SRSF4: variants seen among roughly 807,000 people sequenced by gnomAD.
SRSF4 encodes serine/arginine-rich splicing factor 4.
A neutral mutation model predicts 48.8 loss-of-function variants in SRSF4; 12 were observed. That is an observed-to-expected ratio of 0.25 (90% CI 0.16 to 0.40). SRSF4 has a LOEUF of 0.40. SRSF4 is among the 10% of genes least tolerant of loss of function. The pLI is 1.00. For missense variants in SRSF4, 466 were observed against 667.1 expected (o/e 0.70, Z 3.32); for synonymous variants, 248 against 232.5 (o/e 1.07, Z -0.61).
intron 1 of SRSF4, chr1:29,171,363 A>C (rs908865983): frequency 6.7e-6 from 1 of 150,018 alleles, no homozygotes; most frequent in Non-Finnish European, 1.5e-5. Context: ...GACAGGACTA[A>C]AGGAAATAGC....
intron 4 of SRSF4, among the ~76,000 whole-genome samples, chr1:29,152,834 G>A (rs747139751): frequency 6.6e-6 from 1 of 151,554 alleles, no homozygotes; most frequent in Admixed American, 6.6e-5. Context: ...CAGGAGAATC[G>A]CTTGAACCCG....
intron 1 of SRSF4, among the ~76,000 whole-genome samples, chr1:29,177,627 G>A (rs933073070): frequency 3.3e-5 from 5 of 152,006 alleles, no homozygotes; most frequent in African/African-American, 1.2e-4. Context: ...AAAAGTAGGA[G>A]ACCTTAATGG....
At chr1:29,175,386 C>CAT (rs921103914) in intron 1 of SRSF4, among the ~76,000 whole-genome samples, 8 of 146,144 alleles carry the variant, frequency 5.5e-5, no homozygotes, top group Non-Finnish European at 9.0e-5. Flanking sequence ...GGGCAACAGA[C>CAT]AGAGACTCCA....
intron 4 of SRSF4, among the ~76,000 whole-genome samples, chr1:29,151,402 C>G (rs1183958020): frequency 6.6e-6 from 1 of 152,048 alleles, no homozygotes; most frequent in Non-Finnish European, 1.5e-5. Context: ...GAGGCTGAGG[C>G]AGTAGGATAG....
chr1:29,154,558 T>C (rs1672469162), intron 4 of SRSF4, 138 bp downstream of exon 4: 3 of 790,312 alleles, frequency 3.8e-6, no homozygotes, highest in Non-Finnish European at 5.9e-6. Flanking sequence ...CAAATAAATG[T>C]TCAGTTCAAA....
chr1:29,161,066 T>C (rs1214816294), intron 1 of SRSF4, among the ~76,000 whole-genome samples: 1 of 152,220 alleles, frequency 6.6e-6, no homozygotes, highest in Non-Finnish European at 1.5e-5. Context: ...TTTACTTCCC[T>C]GTGAGATTCC....
chr1:29,148,549 T>G lies in SRSF4; in HGVS notation c.1346A>C (p.Lys449Thr). 1 of 1,614,086 alleles carries G rather than the reference T, an allele frequency of 6.2e-7. No homozygotes were observed. The highest frequency in any genetic ancestry group is 8.5e-7 in the Non-Finnish European group (1 of 1,180,016). ...TTCTGATGGAAGGTTTGGTTTCGAT[T>G]TGGAATTGGATCTCGACCTGGACCG... is the stretch of plus-strand genomic sequence containing the variant. The part of the protein sequence containing the change: ...ETRSRSRSNS[K>T]SKPNLPSESR... The change falls in exon 6 of 6, where the codon AAA (lysine) becomes ACA (threonine). Residue 449 changes from lysine (K) to threonine (T), a missense_variant. Transcript: ENST00000373795.
Position 29,147,965 on chromosome 1 carries a change from T to C in SRSF4, c.*445A>G, listed in dbSNP as rs906112566. 2.4e-6 allele frequency: 1 copy of C among 420,446 alleles called. No individual in the cohort carries two copies. Among genetic ancestry groups the C allele is most frequent in the African/African-American group, 2.0e-5 (1 of 48,860 alleles). 26.0% of individuals were successfully genotyped at this position (420,446 alleles called of 1,614,324 possible). A position where few individuals can be genotyped will look rare whatever the true frequency, so the allele number is the denominator to read the frequency against. On this transcript the variant is annotated 3_prime_UTR_variant, in exon 6 of 6. Transcript: ENST00000373795. ...CTGTGCTATTCACAACTTTGTTAAGTCCAAAAATATGAAACCAAAGTGGTA... is the reference window on the plus strand; with the variant it reads ...CTGTGCTATTCACAACTTTGTTAAGCCCAAAAATATGAAACCAAAGTGGTA...
rs1277284946 is a variant in SRSF4, at chr1:29,148,170, C to A, written c.*240G>T. The A allele has an allele frequency of 3.0e-6, 2 of 665,724 alleles. No homozygotes were observed. The highest frequency in any genetic ancestry group is 4.1e-5 in the Admixed American group (2 of 48,282). 41.2% of individuals were successfully genotyped at this position (665,724 alleles called of 1,614,324 possible). A position where few individuals can be genotyped will look rare whatever the true frequency, so the allele number is the denominator to read the frequency against. ...TGAAAGCCAAGGCGTTTTGGATATTCTACTGTGGGCCATGAGTAAAAGGGG... is the reference window on the plus strand; with the variant it reads ...TGAAAGCCAAGGCGTTTTGGATATTATACTGTGGGCCATGAGTAAAAGGGG... On this transcript the variant is annotated 3_prime_UTR_variant, in exon 6 of 6. Transcript: ENST00000373795.
chr1:29,158,147 C>T (rs536391310), intron 3 of SRSF4, among the ~76,000 whole-genome samples: 8 of 149,790 alleles, frequency 5.3e-5, no homozygotes, highest in Non-Finnish European at 1.0e-4. Context: ...CCAGCCTAGG[C>T]GAAAGGGCGA....
Position 29,148,951 on chromosome 1 carries a change from C to A in SRSF4, c.944G>T (p.Gly315Val). ...QERRVEEEKR[G>V]SVSRGRSQEK... ...CTGGCTCCTGCCCCTGCTCACACTCCCTCGCTTCTCCTCCTCCACTCTCCT... is the reference window on the plus strand; with the variant it reads ...CTGGCTCCTGCCCCTGCTCACACTCACTCGCTTCTCCTCCTCCACTCTCCT... The change falls in exon 6 of 6, where the codon GGG becomes GTG. Residue 315 changes from glycine to valine, a missense_variant. Around this residue, in one of 2 missense-constraint regions of SRSF4, gnomAD observed 402 missense variants for 437.0 expected, o/e 0.92. Transcript: ENST00000373795. 6.2e-7 allele frequency: 1 copy of A among 1,613,518 alleles called. No individual in the cohort carries two copies.
At chr1:29,157,175 G>C (rs1454745157) in intron 3 of SRSF4, among the ~76,000 whole-genome samples, 1 of 152,102 alleles carries the variant, frequency 6.6e-6, no homozygotes, top group Non-Finnish European at 1.5e-5. Flanking sequence ...AAGTCTTGCT[G>C]AGAGCATGGG....
intron 1 of SRSF4, among the ~76,000 whole-genome samples, chr1:29,178,943 T>C (rs1192365670): frequency 6.6e-6 from 1 of 152,220 alleles, no homozygotes; most frequent in African/African-American, 2.4e-5. Context: ...CTGTCATACC[T>C]GTCTTTGAAA....
intron 3 of SRSF4, among the ~76,000 whole-genome samples, chr1:29,158,512 C>T (rs1466192544): frequency 6.6e-6 from 1 of 151,894 alleles, no homozygotes; most frequent in East Asian, 1.9e-4. Context: ...TCACTACAAC[C>T]TCCACCTTCC....
Position 29,148,363 on chromosome 1 carries a change from CAT to C in SRSF4, c.*45_*46del, listed in dbSNP as rs1672338400. 2 of 1,554,152 alleles carry C rather than the reference CAT, an allele frequency of 1.3e-6. No individual in the cohort carries two copies. The highest frequency in any genetic ancestry group is 1.7e-6 in the Non-Finnish European group (2 of 1,150,916). Reference sequence around the variant, plus strand: ...AATCACTTGTGCTACGGCTACCAAACATGTACAAAAGACTTCTCGGGTAGTTC... The same window carrying C: ...AATCACTTGTGCTACGGCTACCAAACGTACAAAAGACTTCTCGGGTAGTTC... On this transcript the variant is annotated 3_prime_UTR_variant, in exon 6 of 6. Coordinates refer to ENST00000373795, the MANE Select transcript of SRSF4 (RefSeq NM_005626.5).
At position 29,150,188 on chromosome 1, in the gene SRSF4, G is replaced by A. The variant is rs139367933; in HGVS notation, c.583C>T (p.Arg195Cys). The change falls in exon 5 of 6, where the codon CGC becomes TGC. Residue 195 changes from arginine (R) to cysteine (C), a missense_variant. Transcript: ENST00000373795. ...YSRSRSHSRS[R>C]SRSRHSRKSR... ...TTACGGGAATGTCTGCTTCGAGAGC[G>A]AGACCTAGGGGGAGAAAATATTTTT... The A allele has an allele frequency of 4.5e-5, 72 of 1,613,528 alleles. No homozygotes were observed. Among genetic ancestry groups the A allele is most frequent in the Non-Finnish European group, 5.6e-5 (66 of 1,179,772 alleles).
chr1:29,163,132 A>C (rs761702275), intron 1 of SRSF4, among the ~76,000 whole-genome samples: 2 of 152,210 alleles, frequency 1.3e-5, no homozygotes, highest in South Asian at 4.1e-4. Context: ...CTTGCCAATA[A>C]AACTTCCTTG....
chr1:29,159,683 T>A (rs902354867), intron 2 of SRSF4, 197 bp from the exon 3 acceptor site: 1 of 451,308 alleles, frequency 2.2e-6, no homozygotes, highest in Non-Finnish European at 3.9e-6. Context: ...ATTTAAAAAG[T>A]TGTAAGTATA....
At chr1:29,173,542 C>T (rs1387595558) in intron 1 of SRSF4, 2 of 138,068 alleles carry the variant, frequency 1.4e-5, no homozygotes. Flanking sequence ...TCTCGGCTCC[C>T]GGGTTCTAGC....
Sources: allele counts gnomAD v4.1 joint callset (sites outside exome capture counted in the v4.1 genomes callset), GRCh38; gene constraint gnomAD v4.1.1; regional missense constraint gnomAD v4.1.1; transcripts MANE v1.5; gene names NCBI Gene and HGNC (gene_info 2026-07-23, HGNC 2026-07-21).